Variants in CTNNA2 observed in about 807,000 individuals in gnomAD.
The protein encoded by CTNNA2 is catenin alpha 2, also known as catenin alpha-2.
In CTNNA2, 42 loss-of-function variants were observed where a neutral mutation model predicts 101.0. The ratio of observed to expected loss-of-function variants is 0.42; its 90% CI spans 0.32 to 0.54. CTNNA2 has a LOEUF of 0.54. Ranked by LOEUF, CTNNA2 falls within the 20% of genes least tolerant of loss-of-function variation. The probability of loss-of-function intolerance (pLI) is 0.14; values close to 1 mark genes in which losing one functional copy is unlikely to be tolerated. For synonymous variants in CTNNA2, 450 were observed against 456.4 expected (o/e 0.99, Z 0.18); for missense variants, 871 against 1,223.1 (o/e 0.71, Z 4.29).
At chr2:80,382,491 T>C (rs1676607043) in intron 7 of CTNNA2, among the ~76,000 whole-genome samples, 1 of 152,252 alleles carries the variant, frequency 6.6e-6, no homozygotes, top group Non-Finnish European at 1.5e-5. Context: ...AATATAGAAT[T>C]ATTTCCTTGG....
intron 9 of CTNNA2, among the ~76,000 whole-genome samples, chr2:80,526,490 G>C (rs1389509407): frequency 3.3e-5 from 5 of 151,842 alleles, no homozygotes; most frequent in Non-Finnish European, 7.4e-5. Flanking sequence ...GCGTCACCAC[G>C]CCTGGCTAAT....
intron 15 of CTNNA2, among the ~76,000 whole-genome samples, chr2:80,598,805 A>G (rs996556432): frequency 1.3e-5 from 2 of 152,202 alleles, no homozygotes; most frequent in Admixed American, 6.5e-5. Flanking sequence ...TTCCATTTGG[A>G]TGGCATTCCT....
At chr2:80,173,055 A>G (rs766479078) in intron 7 of CTNNA2, among the ~76,000 whole-genome samples, 8 of 152,206 alleles carry the variant, frequency 5.3e-5, no homozygotes, top group Non-Finnish European at 1.2e-4. Context: ...CTGAATCAGA[A>G]CCTGTACTTA....
chr2:80,214,121 G>A (rs959078978), intron 7 of CTNNA2, among the ~76,000 whole-genome samples: 8 of 152,066 alleles, frequency 5.3e-5, no homozygotes, highest in Non-Finnish European at 1.0e-4. Context: ...CACATGAGAT[G>A]GGTCTCCTGA....
intron 18 of CTNNA2, among the ~76,000 whole-genome samples, chr2:80,628,458 C>T (rs1671922708): frequency 6.6e-6 from 1 of 151,522 alleles, no homozygotes; most frequent in Admixed American, 6.6e-5. Context: ...GAAATAACAC[C>T]ACACATCTAC....
At chr2:79,193,447 C>G (rs549976394) in intron 1 of CTNNA2, among the ~76,000 whole-genome samples, 1 of 152,138 alleles carries the variant, frequency 6.6e-6, no homozygotes, top group African/African-American at 2.4e-5. Flanking sequence ...TATACAGGTA[C>G]GTACCCTAGG....
rs181880907 is a variant in CTNNA2, at chr2:79,815,672, A to T, written c.299-42341A>T. On this transcript the variant is annotated intron_variant, in intron 3 of 18. Coordinates refer to ENST00000402739, the MANE Select transcript of CTNNA2 (RefSeq NM_001282597.3). ...GTTTTGGTGACAATGGCCTTATAGT[A>T]TAGTTTGAAATCAGGTGGTGTGATG... Among the ~76,000 whole-genome samples the T allele has an allele frequency of 1.8e-4, 28 of 152,214 alleles. 1 individual carries two copies. Among genetic ancestry groups the T allele is most frequent in the Non-Finnish European group, 2.8e-4 (19 of 68,012 alleles).
chr2:79,976,250 G>T (rs1690832934), intron 7 of CTNNA2, among the ~76,000 whole-genome samples: 1 of 152,100 alleles, frequency 6.6e-6, no homozygotes, highest in African/African-American at 2.4e-5. Context: ...GCCTATCTCT[G>T]GTATAACAAG....
chr2:79,683,635 C>G (rs1354838192), intron 2 of CTNNA2, among the ~76,000 whole-genome samples: 1 of 152,214 alleles, frequency 6.6e-6, no homozygotes, highest in Non-Finnish European at 1.5e-5. Flanking sequence ...TGTTAAGTGT[C>G]TGCACTCACC....
intron 8 of CTNNA2, among the ~76,000 whole-genome samples, chr2:80,406,826 C>CAAAAAAA (rs56793591): frequency 7.8e-5 from 5 of 63,964 alleles, no homozygotes; most frequent in Admixed American, 1.9e-4. Context: ...GACTCCATCT[C>CAAAAAAA]AAAAAAAAAA....
chr2:80,565,677 C>T (rs1693995829), intron 12 of CTNNA2, among the ~76,000 whole-genome samples: 1 of 152,110 alleles, frequency 6.6e-6, no homozygotes, highest in African/African-American at 2.4e-5. Flanking sequence ...ATGGCTCTTT[C>T]ATGTGCTAGG....
chr2:80,643,418 G>C (rs1483413230), intron 18 of CTNNA2, among the ~76,000 whole-genome samples: 1 of 152,160 alleles, frequency 6.6e-6, no homozygotes, highest in Non-Finnish European at 1.5e-5. Flanking sequence ...GAAACTCAGG[G>C]AACTAGTTCA....
Position 80,619,166 on chromosome 2 carries a change from A to G in CTNNA2, c.2512A>G (p.Thr838Ala), listed in dbSNP as rs1315572661. 6.3e-7 allele frequency: 1 copy of G among 1,578,532 alleles called. No individual in the cohort carries two copies. The highest frequency in any genetic ancestry group is 8.6e-7 in the Non-Finnish European group (1 of 1,161,658). ...IDGGRASQLS[T>A]HLPTCAEGAP... is the part of the protein sequence containing the mutation. ...TGGGGGCAGGGCTAGTCAACTTTCT[A>G]CCCACCTCCCAACCTGTGCTGAGGG... The change falls in exon 18 of 19, where the codon ACC becomes GCC. Residue 838 changes from threonine to alanine, a missense_variant. Transcript: ENST00000402739.
intron 7 of CTNNA2, among the ~76,000 whole-genome samples, chr2:80,261,392 C>A (rs1281501266): frequency 6.6e-6 from 1 of 151,884 alleles, no homozygotes; most frequent in African/African-American, 2.4e-5. Context: ...TTAGAATGTA[C>A]CTCAGAAATT....
At chr2:79,324,077 A>T (rs1676686735) in intron 3 of CTNNA2, among the ~76,000 whole-genome samples, 1 of 152,214 alleles carries the variant, frequency 6.6e-6, no homozygotes, top group African/African-American at 2.4e-5. Context: ...CCATGCATTC[A>T]GTCCTGAAAA....
At chr2:79,821,872 T>C (rs770014211) in intron 3 of CTNNA2, among the ~76,000 whole-genome samples, 4 of 152,192 alleles carry the variant, frequency 2.6e-5, no homozygotes, top group African/African-American at 4.8e-5. Flanking sequence ...TTTGATCGAC[T>C]GAAGCCTAGA....
At chr2:79,312,032 A>T (rs1380213062) in intron 2 of CTNNA2, among the ~76,000 whole-genome samples, 2 of 151,932 alleles carry the variant, frequency 1.3e-5, no homozygotes, top group East Asian at 1.9e-4. Context: ...CCTCTTGAGT[A>T]GCTGGGACAA....
chr2:79,421,353 A>T (rs1017537812), intron 4 of CTNNA2, among the ~76,000 whole-genome samples: 1 of 152,186 alleles, frequency 6.6e-6, no homozygotes, highest in African/African-American at 2.4e-5. Flanking sequence ...AACTTACGCG[A>T]GAGCTGAGAT....
intron 2 of CTNNA2, among the ~76,000 whole-genome samples, chr2:79,241,307 A>G (rs962949055): frequency 1.3e-5 from 2 of 152,222 alleles, no homozygotes; most frequent in Non-Finnish European, 2.9e-5. Context: ...GATGAAAATG[A>G]TATCACAGTG....
Sources: allele counts gnomAD v4.1 joint callset (sites outside exome capture counted in the v4.1 genomes callset), GRCh38; gene constraint gnomAD v4.1.1; transcripts MANE v1.5; gene names NCBI Gene and HGNC (gene_info 2026-07-23, HGNC 2026-07-21).